VSIG4: variants seen among roughly 807,000 people sequenced by gnomAD.
The protein encoded by VSIG4 is V-set and immunoglobulin domain containing 4.
A neutral mutation model predicts 23.4 loss-of-function variants in VSIG4; 34 were observed. That is an observed-to-expected ratio of 1.45 (90% CI 1.10 to 1.93). The LOEUF (loss-of-function observed/expected upper bound fraction) is 1.93, where lower values mean the gene tolerates loss of function less well. Among genes scored for constraint, VSIG4 ranks in the 30% most tolerant of loss-of-function variants. VSIG4 has a pLI of 0.00. For synonymous variants in VSIG4, 169 were observed against 120.3 expected, an observed-to-expected ratio of 1.41 and a Z score of -2.65; for missense variants, 433 against 310.8, an observed-to-expected ratio of 1.39 and a Z score of -2.96.
chrX:66,022,806 C>T (rs112004626), intron 7 of VSIG4, 35 bp downstream of exon 7: 399 of 1,209,556 alleles, frequency 3.3e-4, no homozygotes, highest in Non-Finnish European at 4.0e-4. Context: ...AGGGCAGGGA[C>T]GGGGTCAAAA....
At chrX:66,037,725 T>G (rs1249320010) in intron 1 of VSIG4, among the ~76,000 whole-genome samples, 4 of 97,886 alleles carry the variant, frequency 4.1e-5, no homozygotes, top group African/African-American at 1.5e-4. Flanking sequence ...GTATATATAC[T>G]TATTACTAAG....
At chrX:66,037,711 A>ATAAGTATATATACTTATTAC (rs1485954130) in intron 1 of VSIG4, among the ~76,000 whole-genome samples, 4 of 91,670 alleles carry the variant, frequency 4.4e-5, no homozygotes, top group Non-Finnish European at 6.4e-5. Context: ...CTTATTACTG[A>ATAAGTATATATACTTATTAC]TAAGTATATA....
intron 1 of VSIG4, among the ~76,000 whole-genome samples, chrX:66,039,512 A>G (rs1272325614): frequency 9.0e-6 from 1 of 111,638 alleles, no homozygotes; most frequent in African/African-American, 3.3e-5. Flanking sequence ...GGTTACTTCT[A>G]TAGTCCTATC....
Position 66,022,260 on chromosome X carries a change from T to A in VSIG4, c.*3A>T, listed in dbSNP as rs763028972. On this transcript the variant is annotated 3_prime_UTR_variant, in exon 8 of 8. Transcript: ENST00000374737. ...CAGCAGATCCTGGCCTAATGGGGCA[T>A]TTTTAACAGACACTTTTGCCCTCAG... The A allele has an allele frequency of 1.2e-5, 15 of 1,212,113 alleles. No homozygotes were observed. The highest frequency in any genetic ancestry group is 1.7e-5 in the Non-Finnish European group (15 of 895,526).
At chrX:66,027,164 T>C (rs760213870) in intron 5 of VSIG4, among the ~76,000 whole-genome samples, 62 of 111,506 alleles carry the variant, frequency 5.6e-4, no homozygotes, top group Non-Finnish European at 8.9e-4. Context: ...ATATTCTTGC[T>C]CAGAATGTTT....
rs755119246 is a variant in VSIG4, at chrX:66,032,740, G to A, written c.422C>T (p.Ser141Phe). Residue 141 changes from serine to phenylalanine, a missense_variant, in exon 3 of 8, where the codon TCC (serine) becomes TTC (phenylalanine). Transcript: ENST00000374737. ...GCTGCCAGTTGTCACTGTGGGCTTG[G>A]AGACAGAGACTGCAAAGAAAAGACA... ...TELRVQKLSV[S>F]KPTVTTGSGY... 1 of 1,209,782 alleles carries A rather than the reference G, an allele frequency of 8.3e-7. No homozygotes were observed. The highest frequency in any genetic ancestry group is 1.8e-5 in the South Asian group (1 of 56,758).
chrX:66,036,205 T>C (rs773610633), intron 1 of VSIG4, among the ~76,000 whole-genome samples: 6 of 110,692 alleles, frequency 5.4e-5, no homozygotes, highest in African/African-American at 2.0e-4. Flanking sequence ...TCCTTTTTTC[T>C]TCCTTCTTCT....
In VSIG4 at chrX:66,022,278, G is replaced by C; in HGVS notation, c.1185C>G (p.Gly395=). 8.3e-7 allele frequency: 1 copy of C among 1,211,944 alleles called. No individual in the cohort carries two copies. Among genetic ancestry groups the C allele is most frequent in the Non-Finnish European group, 1.1e-6 (1 of 895,508 alleles). ...PLDYEFLATE[G]KSVC ...TGGGGCATTTTTAACAGACACTTTT[G>C]CCCTCAGTGGCCAGAAACTCATAAT... The change falls in exon 8 of 8, where the codon GGC becomes GGG. Residue 395 remains glycine (G), a synonymous_variant. Coordinates refer to ENST00000374737, the MANE Select transcript of VSIG4 (RefSeq NM_007268.3).
At chrX:66,035,353 T>C (rs762157761) in intron 1 of VSIG4, among the ~76,000 whole-genome samples, 22 of 111,913 alleles carry the variant, frequency 2.0e-4, no homozygotes, top group Non-Finnish European at 3.6e-4. Flanking sequence ...TATGTTATTC[T>C]TGTCTGCTTT....
Position 66,039,040 on chromosome X carries a change from C to G in VSIG4, c.55+904G>C, listed in dbSNP as rs148016567. Among the ~76,000 whole-genome samples the G allele has an allele frequency of 4.3e-3, 472 of 109,258 alleles. 3 individuals are homozygous for G. Among genetic ancestry groups the G allele is most frequent in the African/African-American group, 0.014 (433 of 29,990 alleles). 94.9% of individuals were successfully genotyped at this position (109,258 alleles called of 115,157 possible). A position where few individuals can be genotyped will look rare whatever the true frequency, so the allele number is the denominator to read the frequency against. Reference sequence around the variant, plus strand: ...GAGTGTAGATGAGGATAGAGCTTCCCAAGCTCCAAGGAAATAATGCCACTA... The same window carrying G: ...GAGTGTAGATGAGGATAGAGCTTCCGAAGCTCCAAGGAAATAATGCCACTA... On this transcript the variant is annotated intron_variant, in intron 1 of 7. Transcript: ENST00000374737.
intron 5 of VSIG4, 141 bp from the exon 6 acceptor site, chrX:66,025,270 GA>G: frequency 4.9e-6 from 2 of 412,048 alleles, no homozygotes; most frequent in Non-Finnish European, 4.2e-6. Context: ...TAGCCAGAGA[GA>G]AAAAACTCCA....
intron 1 of VSIG4, among the ~76,000 whole-genome samples, chrX:66,034,763 G>T: frequency 1.4e-5 from 1 of 73,706 alleles, no homozygotes; most frequent in African/African-American, 9.4e-5. Context: ...AAACCCTTGG[G>T]GATGGGGGTG....
intron 3 of VSIG4, 116 bp from the exon 4 acceptor site, chrX:66,028,228 C>T (rs2085416677): frequency 3.5e-6 from 2 of 579,371 alleles, no homozygotes; most frequent in South Asian, 5.1e-5. Context: ...GGACCTGCCT[C>T]AACACTTCTG....
intron 1 of VSIG4, among the ~76,000 whole-genome samples, chrX:66,035,534 G>T (rs1323644446): frequency 9.0e-6 from 1 of 111,242 alleles, no homozygotes; most frequent in Non-Finnish European, 1.9e-5. Context: ...GGCTATAATA[G>T]AAATAGAAGT....
At chrX:66,035,789 T>C (rs1344337437) in intron 1 of VSIG4, among the ~76,000 whole-genome samples, 2 of 112,453 alleles carry the variant, frequency 1.8e-5, no homozygotes, top group Non-Finnish European at 3.8e-5. Context: ...ACTTTCCCAA[T>C]GTCCCTCCTC....
At chrX:66,033,369 G>T in intron 2 of VSIG4, 105 bp downstream of exon 2, 1 of 689,992 alleles carries the variant, frequency 1.4e-6, no homozygotes, top group Non-Finnish European at 2.2e-6. Flanking sequence ...CCTGTGGAGA[G>T]CCTCTGTATA....
intron 3 of VSIG4, 62 bp from the exon 4 acceptor site, chrX:66,028,174 C>CA (rs2085416056): frequency 1.3e-5 from 13 of 1,034,416 alleles, no homozygotes; most frequent in Non-Finnish European, 1.8e-5. Flanking sequence ...GTTTAATGCC[C>CA]TAGGGAAATA....
intron 5 of VSIG4, 23 bp downstream of exon 5, chrX:66,027,426 A>G (rs1043713956): frequency 8.5e-7 from 1 of 1,174,569 alleles, no homozygotes; most frequent in Non-Finnish European, 1.2e-6. Context: ...AAGAAAAGAT[A>G]GAAATCCTGA....
intron 5 of VSIG4, among the ~76,000 whole-genome samples, chrX:66,026,973 AAC>A (rs1476051543): frequency 9.0e-6 from 1 of 111,523 alleles, no homozygotes; most frequent in Non-Finnish European, 1.9e-5. Flanking sequence ...ATGCAGGTGA[AAC>A]ACAAAAGATT....
Sources: gnomAD v4.1 joint callset for allele counts (sites outside exome capture counted in the v4.1 genomes callset) on GRCh38, gnomAD v4.1.1 for gene constraint, MANE v1.5 for transcripts, NCBI Gene and HGNC (gene_info 2026-07-23, HGNC 2026-07-21) for gene names.